Variants in ZNF329 observed in about 807,000 individuals in gnomAD.
ZNF329 encodes the protein zinc finger protein 329.
Under a neutral mutation model 26.6 loss-of-function variants are expected in ZNF329, and 15 were observed. The ratio of observed to expected loss-of-function variants is 0.56; its 90% CI spans 0.38 to 0.87. The LOEUF (loss-of-function observed/expected upper bound fraction) is 0.87, where lower values mean the gene tolerates loss of function less well. Among genes scored for constraint, ZNF329 ranks in the 40% least tolerant of loss-of-function variants. The pLI is 0.00. For missense variants in ZNF329, 651 were observed against 651.9 expected (o/e 1.00, Z 0.02); for synonymous variants, 239 against 233.5 (o/e 1.02, Z -0.21).
At chr19:58,145,313 CCTTTTTTTTTTTT>C in intron 1 of ZNF329, among the ~76,000 whole-genome samples, 1 of 136,368 alleles carries the variant, frequency 7.3e-6, no homozygotes, top group African/African-American at 2.8e-5. Context: ...CTTTTTTCTT[CCTTTTTTTTTTTT>C]TTTTTTTTTT....
At position 58,146,884 on chromosome 19, in the gene ZNF329, G is replaced by A. The variant is rs1209710034; in HGVS notation, c.-207-3686C>T. ...GGTGCCCAGGCTGGAGTGCAGTGGC[G>A]TGATCTTGGCTTGCTACAACCTCCA... On this transcript the variant is annotated intron_variant, in intron 1 of 3. Coordinates refer to ENST00000598312, the MANE Select transcript of ZNF329 (RefSeq NM_024620.4). 6.7e-3 allele frequency among the ~76,000 whole-genome samples: 1,024 copies of A among 151,822 alleles called. 13 individuals carry two copies. Among genetic ancestry groups the A allele is most frequent in the African/African-American group, 0.024 (972 of 41,326 alleles).
Position 58,128,642 on chromosome 19 carries a change from C to G in ZNF329, c.862G>C (p.Glu288Gln). 6.2e-7 allele frequency: 1 copy of G among 1,604,518 alleles called. No individual in the cohort carries two copies. Among genetic ancestry groups the G allele is most frequent in the Non-Finnish European group, 8.5e-7 (1 of 1,175,322 alleles). ...AAGGTTTTTCCACACTCTAGGCATT[C>G]ATAAGGTTTCTCGCCTGTGTGAATT... is the stretch of plus-strand genomic sequence containing the variant. ...QRIHTGEKPYECLECGKTFNR... is the reference protein window; with the variant it reads ...QRIHTGEKPYQCLECGKTFNR... The change falls in exon 4 of 4, where the codon GAA becomes CAA. Residue 288 changes from glutamate (E) to glutamine (Q), a missense_variant. Transcript: ENST00000598312.
intron 1 of ZNF329, among the ~76,000 whole-genome samples, chr19:58,146,703 GC>G (rs1568675234): frequency 6.6e-6 from 1 of 151,956 alleles, no homozygotes; most frequent in Admixed American, 6.6e-5. Flanking sequence ...GGCACGCGCC[GC>G]CACGCCTGAC....
chr19:58,145,945 A>G (rs993156378), intron 1 of ZNF329, among the ~76,000 whole-genome samples: 5 of 151,286 alleles, frequency 3.3e-5, no homozygotes, highest in African/African-American at 1.2e-4. Flanking sequence ...ACTGAACATC[A>G]AGTGACAATC....
At chr19:58,147,370 G>C (rs2075340454) in intron 1 of ZNF329, among the ~76,000 whole-genome samples, 1 of 150,650 alleles carries the variant, frequency 6.6e-6, no homozygotes, top group Non-Finnish European at 1.5e-5. Flanking sequence ...ACCCCGTCTG[G>C]GAAGTGAGGA....
Position 58,128,472 on chromosome 19 carries a change from C to G in ZNF329, c.1032G>C (p.Glu344Asp), listed in dbSNP as rs1373563801. 6.2e-7 allele frequency: 1 copy of G among 1,613,436 alleles called. No individual in the cohort carries two copies. The highest frequency in any genetic ancestry group is 1.3e-5 in the African/African-American group (1 of 74,900). Reference sequence around the variant, plus strand: ...GGAAAGCCTTTCCACATTTGCTACACTCATAGGGCTTCTCACCGGTGTGGA... The same window carrying G: ...GGAAAGCCTTTCCACATTTGCTACAGTCATAGGGCTTCTCACCGGTGTGGA... ...LRIHTGEKPY[E>D]CSKCGKAFRD... Residue 344 changes from glutamate (E) to aspartate (D), a missense_variant, in exon 4 of 4, where the codon GAG (glutamate) becomes GAC (aspartate). Physicochemically the swap from Glu to Asp is conservative, Grantham distance 45. Coordinates refer to ENST00000598312, the MANE Select transcript of ZNF329 (RefSeq NM_024620.4).
chr19:58,127,849 A>G lies in ZNF329; in HGVS notation c.*29T>C. ...CCTCCTAAACACAGGAGTGAGAGTG[A>G]ACTGGAAGACTCATGTGGCCCCCAA... is the stretch of plus-strand genomic sequence containing the variant. On this transcript the variant is annotated 3_prime_UTR_variant, in exon 4 of 4. Transcript: ENST00000598312. 2 of 1,548,914 alleles carry G rather than the reference A, an allele frequency of 1.3e-6. No individual in the cohort carries two copies. Among genetic ancestry groups the G allele is most frequent in the South Asian group, 2.5e-5 (2 of 81,366 alleles).
intron 3 of ZNF329, among the ~76,000 whole-genome samples, chr19:58,137,809 C>CAAAAAAA (rs72295173): frequency 1.0e-3 from 76 of 76,246 alleles, no homozygotes; most frequent in African/African-American, 1.8e-3. Flanking sequence ...ACAAAAAATA[C>CAAAAAAA]AAAAAAAAAA....
At chr19:58,149,995 G>A (rs752673647) in intron 1 of ZNF329, among the ~76,000 whole-genome samples, 9 of 152,164 alleles carry the variant, frequency 5.9e-5, no homozygotes, top group Non-Finnish European at 1.2e-4. Flanking sequence ...TGGACAGAAG[G>A]AAAGATAAGG....
upstream of ZNF329, among the ~76,000 whole-genome samples, chr19:58,152,495 C>A (rs190084168): frequency 1.3e-5 from 2 of 152,084 alleles, no homozygotes; most frequent in African/African-American, 4.8e-5. Flanking sequence ...AGACTCCCCC[C>A]GCCCCCAGCT....
Position 58,128,189 on chromosome 19 carries a change from T to G in ZNF329, c.1315A>C (p.Ile439Leu). 1 of 1,587,536 alleles carries G rather than the reference T, an allele frequency of 6.3e-7. No individual in the cohort carries two copies. The highest frequency in any genetic ancestry group is 8.6e-7 in the Non-Finnish European group (1 of 1,167,742). The change falls in exon 4 of 4, where the codon ATC (isoleucine) becomes CTC (leucine). Residue 439 changes from isoleucine to leucine, a missense_variant. Ile to Leu is a conservative substitution (Grantham distance 5, BLOSUM62 2). Coordinates refer to ENST00000598312, the MANE Select transcript of ZNF329 (RefSeq NM_024620.4). ...CNQCQKLFRNIAGLIRHQRTH... is the reference protein window; with the variant it reads ...CNQCQKLFRNLAGLIRHQRTH... ...CTCTGGTGCCTAATGAGGCCAGCGATATTCCTGAAAAGTTTCTGACACTGG... is the reference window on the plus strand; with the variant it reads ...CTCTGGTGCCTAATGAGGCCAGCGAGATTCCTGAAAAGTTTCTGACACTGG...
At chr19:58,151,514 T>C (rs2146148120), upstream of ZNF329, among the ~76,000 whole-genome samples, 1 of 147,050 alleles carries the variant, frequency 6.8e-6, no homozygotes, top group South Asian at 2.1e-4. Flanking sequence ...GGCAAGAGAA[T>C]CACTTGAACC....
intron 3 of ZNF329, 75 bp from the exon 4 acceptor site, chr19:58,129,586 C>T (rs1410269632): frequency 9.3e-6 from 12 of 1,284,706 alleles, no homozygotes; most frequent in Admixed American, 2.3e-5. Flanking sequence ...TGATGATGGG[C>T]TAGGTGTAAA....
chr19:58,144,382 A>ATC (rs148271661), intron 1 of ZNF329, among the ~76,000 whole-genome samples: 20,517 of 123,436 alleles, frequency 0.17, 1,843 homozygotes, highest in East Asian at 0.28. Flanking sequence ...CTATCTATCT[A>ATC]TATATATATA....
At chr19:58,144,155 GTTT>G (rs1226845302) in intron 1 of ZNF329, among the ~76,000 whole-genome samples, 2 of 151,822 alleles carry the variant, frequency 1.3e-5, no homozygotes, top group South Asian at 4.2e-4. Flanking sequence ...AAAATTGTGG[GTTT>G]TTTTGTTGTT....
At chr19:58,146,428 C>G (rs981055870) in intron 1 of ZNF329, among the ~76,000 whole-genome samples, 1 of 151,876 alleles carries the variant, frequency 6.6e-6, no homozygotes, top group Non-Finnish European at 1.5e-5. Context: ...GAGCCGAGAT[C>G]GCTCCACTGC....
intron 3 of ZNF329, among the ~76,000 whole-genome samples, chr19:58,135,751 G>T (rs2075049779): frequency 6.6e-6 from 1 of 152,182 alleles, no homozygotes; most frequent in East Asian, 1.9e-4. Flanking sequence ...CTAGGTCAAA[G>T]AAAAAGTTCA....
chr19:58,130,751 G>C (rs2074922099), intron 3 of ZNF329, among the ~76,000 whole-genome samples: 1 of 151,460 alleles, frequency 6.6e-6, no homozygotes, highest in Admixed American at 6.6e-5. Flanking sequence ...TTCTGTAAAT[G>C]GTTGCATGTG....
chr19:58,153,991 T>C (rs2075501227), upstream of ZNF329, among the ~76,000 whole-genome samples: 1 of 147,670 alleles, frequency 6.8e-6, no homozygotes, highest in Non-Finnish European at 1.5e-5. Flanking sequence ...CCACCCTGCC[T>C]GGCCAACATA....
Sources: allele counts gnomAD v4.1 joint callset (sites outside exome capture counted in the v4.1 genomes callset), GRCh38; gene constraint gnomAD v4.1.1; transcripts MANE v1.5; gene names NCBI Gene and HGNC (gene_info 2026-07-23, HGNC 2026-07-21).